The following ST18 variants were observed in gnomAD, a reference collection of about 807,000 sequenced individuals.
The protein encoded by ST18 is suppression of tumorigenicity 18 protein.
ST18 carries 50 observed loss-of-function variants against 110.0 expected under a neutral mutation model. That is an observed-to-expected ratio of 0.45 (90% confidence interval 0.36 to 0.58). ST18 has a LOEUF of 0.58. ST18 is among the 20% of genes least tolerant of loss of function. The pLI is 0.00. For synonymous variants in ST18, 461 were observed against 452.4 expected (o/e 1.02, Z -0.24); for missense variants, 1,306 against 1,280.1 (o/e 1.02, Z -0.31).
chr8:52,326,006 T>A (rs767005931), intron 2 of ST18, among the ~76,000 whole-genome samples: 9 of 152,228 alleles, frequency 5.9e-5, no homozygotes, highest in Non-Finnish European at 1.3e-4. Flanking sequence ...CATTGTGTCA[T>A]AAAACCTTTG....
rs115080261 is a variant in ST18, at chr8:52,228,587, A to C, written c.-419+1445T>G. 1.8e-3 allele frequency among the ~76,000 whole-genome samples: 277 copies of C among 152,258 alleles called. 1 individual carries two copies. Among genetic ancestry groups the C allele is most frequent in the African/African-American group, 6.4e-3 (264 of 41,544 alleles). On this transcript the variant is annotated intron_variant, in intron 3 of 25. Coordinates refer to ENST00000689386, the MANE Select transcript of ST18 (RefSeq NM_001352837.2). Reference sequence around the variant, plus strand: ...GGCACAGTAGTTTCTAAATAAATACACCTCACCTTTGCCAAACTCACAGAG... The same window carrying C: ...GGCACAGTAGTTTCTAAATAAATACCCCTCACCTTTGCCAAACTCACAGAG...
chr8:52,205,630 T>C (rs2885069), intron 8 of ST18, among the ~76,000 whole-genome samples: 34,653 of 152,036 alleles, frequency 0.23, 4,693 homozygotes, highest in African/African-American at 0.37. Context: ...TGCAGTGGTG[T>C]AATCTAGGCT....
chr8:52,359,469 GAC>G (rs2140425173), intron 2 of ST18, among the ~76,000 whole-genome samples: 2 of 152,262 alleles, frequency 1.3e-5, no homozygotes, highest in East Asian at 3.9e-4. Flanking sequence ...GAATGGCGTA[GAC>G]ACATAAGAAG....
chr8:52,172,278 T>C lies in ST18; in HGVS notation c.583A>G (p.Asn195Asp). ...PFCSSDDNES[N>D]SESAENGWDS... Reference sequence around the variant, plus strand: ...CAGCCATTTTCTGCACTTTCAGAGTTACTTTCATTGTCATCAGAGGAGCAG... The same window carrying C: ...CAGCCATTTTCTGCACTTTCAGAGTCACTTTCATTGTCATCAGAGGAGCAG... The change falls in exon 10 of 26, where the codon AAC becomes GAC. Residue 195 changes from asparagine to aspartate, a missense_variant. Physicochemically the swap from Asn to Asp is conservative, Grantham distance 23. Coordinates refer to ENST00000689386, the MANE Select transcript of ST18 (RefSeq NM_001352837.2). The C allele has an allele frequency of 1.2e-6, 2 of 1,614,218 alleles. No homozygotes were observed. Among genetic ancestry groups the C allele is most frequent in the Non-Finnish European group, 1.7e-6 (2 of 1,180,044 alleles).
chr8:52,122,807 G>C (rs549714113), intron 23 of ST18, among the ~76,000 whole-genome samples: 1 of 147,702 alleles, frequency 6.8e-6, no homozygotes, highest in East Asian at 2.0e-4. Context: ...TTTAAATTGA[G>C]TTTACGTACC....
At chr8:52,350,409 T>C (rs894390993) in intron 2 of ST18, among the ~76,000 whole-genome samples, 1 of 152,038 alleles carries the variant, frequency 6.6e-6, no homozygotes, top group African/African-American at 2.4e-5. Context: ...CAAGGTCTGA[T>C]TTAGACAGCA....
intron 2 of ST18, among the ~76,000 whole-genome samples, chr8:52,240,974 A>G (rs1298243624): frequency 4.6e-5 from 7 of 152,174 alleles, no homozygotes; most frequent in Admixed American, 4.6e-4. Context: ...CTCTCATTCA[A>G]TATGTACAAG....
intron 2 of ST18, among the ~76,000 whole-genome samples, chr8:52,329,624 G>C (rs1808208412): frequency 6.6e-6 from 1 of 152,078 alleles, no homozygotes; most frequent in Admixed American, 6.6e-5. Context: ...GCATTGTGGT[G>C]GGTGCCTGTA....
At chr8:52,141,224 C>A (rs1424183791) in intron 17 of ST18, among the ~76,000 whole-genome samples, 2 of 152,174 alleles carry the variant, frequency 1.3e-5, no homozygotes, top group Non-Finnish European at 2.9e-5. Context: ...ACCAGTAGGG[C>A]AAACTGATGA....
At chr8:52,344,852 T>G (rs1692422133) in intron 2 of ST18, among the ~76,000 whole-genome samples, 1 of 152,240 alleles carries the variant, frequency 6.6e-6, no homozygotes, top group Non-Finnish European at 1.5e-5. Flanking sequence ...TTGCAAGTTT[T>G]ACCATGTGCC....
chr8:52,237,944 C>A (rs2092907500), intron 2 of ST18, among the ~76,000 whole-genome samples: 1 of 152,030 alleles, frequency 6.6e-6, no homozygotes, highest in Admixed American at 6.6e-5. Context: ...TACAAATGAG[C>A]AATAAGCACA....
chr8:52,289,689 T>A (rs1285461677), intron 2 of ST18, among the ~76,000 whole-genome samples: 1 of 152,132 alleles, frequency 6.6e-6, no homozygotes, highest in South Asian at 2.1e-4. Flanking sequence ...CTGCTCACGA[T>A]GTTGAAGTAA....
intron 9 of ST18, among the ~76,000 whole-genome samples, chr8:52,175,432 T>C (rs552756218): frequency 3.5e-4 from 54 of 152,258 alleles, no homozygotes; most frequent in Non-Finnish European, 6.5e-4. Flanking sequence ...CCAACTGCCT[T>C]TGGAAACTAT....
In ST18 at chr8:52,364,460, G is replaced by A. The variant is rs116338462; in HGVS notation, c.-465+44868C>T. Among the ~76,000 whole-genome samples the A allele has an allele frequency of 4.2e-3, 635 of 152,076 alleles. 5 individuals are homozygous for A. Among genetic ancestry groups the A allele is most frequent in the African/African-American group, 0.015 (607 of 41,450 alleles). On this transcript the variant is annotated intron_variant, in intron 2 of 25. Transcript: ENST00000689386. ...TGTTTGCATTCAGATGGGTATACGC[G>A]GTCAGCACACTTGCAGGATAAAAAC...
At chr8:52,180,013 A>G (rs2068706825) in intron 9 of ST18, 109 bp downstream of exon 9, 1 of 1,183,638 alleles carries the variant, frequency 8.4e-7, no homozygotes. Flanking sequence ...CCAAATCTTA[A>G]TGTACTTTTA....
Position 52,172,530 on chromosome 8 carries a change from T to A in ST18, c.331A>T (p.Asn111Tyr). The change falls in exon 10 of 26, where the codon AAC becomes TAC. Residue 111 changes from asparagine to tyrosine, a missense_variant. Asn to Tyr is a moderately radical substitution (Grantham distance 143). Transcript: ENST00000689386. ...DESLLSTAQE[N>Y]SSRKEDRYSC... Reference sequence around the variant, plus strand: ...TATCTGTCTTCCTTCCTACTGGAGTTTTCTTGTGCAGTTGAAAGAAGACTT... The same window carrying A: ...TATCTGTCTTCCTTCCTACTGGAGTATTCTTGTGCAGTTGAAAGAAGACTT... 1 of 1,609,086 alleles carries A rather than the reference T, an allele frequency of 6.2e-7. No individual in the cohort carries two copies. The highest frequency in any genetic ancestry group is 8.5e-7 in the Non-Finnish European group (1 of 1,178,640).
chr8:52,128,565 T>C (rs2047988777), intron 22 of ST18, among the ~76,000 whole-genome samples: 1 of 152,202 alleles, frequency 6.6e-6, no homozygotes, highest in Non-Finnish European at 1.5e-5. Context: ...GTAGTTATTA[T>C]ATAAATATAA....
At chr8:52,149,423 C>T (rs565349553) in intron 16 of ST18, among the ~76,000 whole-genome samples, 1 of 152,368 alleles carries the variant, frequency 6.6e-6, no homozygotes, top group South Asian at 2.1e-4. Context: ...TTGAGCAATA[C>T]ATTGCCCCTT....
At chr8:52,140,229 G>A (rs1465619052) in intron 17 of ST18, among the ~76,000 whole-genome samples, 2 of 152,200 alleles carry the variant, frequency 1.3e-5, no homozygotes, top group Non-Finnish European at 2.9e-5. Context: ...CACTCACCCT[G>A]TCTAATATGC....
Sources: allele counts gnomAD v4.1 joint callset (sites outside exome capture counted in the v4.1 genomes callset), GRCh38; gene constraint gnomAD v4.1.1; transcripts MANE v1.5; gene names NCBI Gene and HGNC (gene_info 2026-07-23, HGNC 2026-07-21).